Variants in ABCA8 observed in about 807,000 individuals in gnomAD.
ABCA8 encodes the protein ATP binding cassette subfamily A member 8.
In ABCA8, 177 loss-of-function variants were observed where a neutral mutation model predicts 192.3. The ratio of observed to expected loss-of-function variants is 0.92; its 90% CI spans 0.81 to 1.04. The LOEUF is 1.04. ABCA8 is among the 50% of genes least tolerant of loss of function. The pLI is 0.00. For synonymous variants in ABCA8, 642 were observed against 690.2 expected (o/e 0.93, Z 1.09); for missense variants, 1,915 against 1,904.8 (o/e 1.01, Z -0.10).
intron 4 of ABCA8, among the ~76,000 whole-genome samples, chr17:68,940,406 A>T (rs2068191317): frequency 6.6e-6 from 1 of 152,150 alleles, no homozygotes; most frequent in Non-Finnish European, 1.5e-5. Context: ...CATTTTGGTG[A>T]CAATGCTTTC....
chr17:68,868,397 T>G (rs1335138849), intron 38 of ABCA8, 41 bp from the exon 39 acceptor site: 1 of 1,528,972 alleles, frequency 6.5e-7, no homozygotes, highest in South Asian at 1.1e-5. Flanking sequence ...ATATTTCATA[T>G]CTAGAGGTCT....
At chr17:68,918,791 G>C (rs1024779119) in intron 14 of ABCA8, among the ~76,000 whole-genome samples, 5 of 151,950 alleles carry the variant, frequency 3.3e-5, no homozygotes, top group African/African-American at 9.7e-5. Flanking sequence ...AATTAGCCAA[G>C]CCTGGCGGCG....
intron 8 of ABCA8, 131 bp downstream of exon 8, chr17:68,929,430 T>C: frequency 8.4e-7 from 1 of 1,197,422 alleles, no homozygotes; most frequent in Non-Finnish European, 1.2e-6. Flanking sequence ...AATCAAATTG[T>C]ACCTGTTTAT....
At chr17:68,898,730 G>C (rs1038210517) in intron 21 of ABCA8, among the ~76,000 whole-genome samples, 2 of 152,028 alleles carry the variant, frequency 1.3e-5, no homozygotes, top group African/African-American at 4.8e-5. Flanking sequence ...TTGGAGTAAG[G>C]ACATCACATA....
rs1388666691 is a variant in ABCA8 at position 68,911,607 on chromosome 17, A to G, written c.2139-3728T>C. Among the ~76,000 whole-genome samples, 3 of 152,292 alleles carry G rather than the reference A, an allele frequency of 2.0e-5. No individual in the cohort carries two copies. The East Asian group carries it at 5.8e-4, about 30-fold the overall frequency. Reference sequence around the variant, plus strand: ...GAGTGAACATTGGCGGTAGCCAGGCAGTGGTCGCTGCGGGTCTTGGGAAAG... The same window carrying G: ...GAGTGAACATTGGCGGTAGCCAGGCGGTGGTCGCTGCGGGTCTTGGGAAAG... On this transcript the variant is annotated intron_variant, in intron 17 of 39. Coordinates refer to ENST00000586539, the MANE Select transcript of ABCA8 (RefSeq NM_001288985.2). This position sits in a 1 kb window ranked among gnomAD's most constrained non-coding sequence, Gnocchi z 5.7.
At chr17:68,884,566 T>G in intron 27 of ABCA8, 170 bp from the exon 28 acceptor site, 1 of 1,315,668 alleles carries the variant, frequency 7.6e-7, no homozygotes, top group South Asian at 2.6e-5. Flanking sequence ...TCCCAAGGTC[T>G]ATGAGCTTTT....
rs1402016585 is a variant in ABCA8, at chr17:68,887,342, A to C, written c.3309T>G (p.Ile1103Met). The C allele has an allele frequency of 6.3e-7, 1 of 1,598,416 alleles. No individual in the cohort carries two copies. Among genetic ancestry groups the C allele is most frequent in the Non-Finnish European group, 8.5e-7 (1 of 1,170,838 alleles). ...CTTGGATATTGTCACTTACTTGAATAATATGAATTATTGTAAGTAGCATGT... is the reference window on the plus strand; with the variant it reads ...CTTGGATATTGTCACTTACTTGAATCATATGAATTATTGTAAGTAGCATGT... ...FEDMLLTIIH[I>M]IQIPCAVGYS... is the part of the protein sequence containing the mutation. The change falls in exon 25 of 40, where the codon ATT (isoleucine) becomes ATG (methionine). Residue 1103 changes from isoleucine (I) to methionine (M), a missense_variant. Physicochemically the swap from Ile to Met is conservative, Grantham distance 10 (BLOSUM62 1). Coordinates refer to ENST00000586539, the MANE Select transcript of ABCA8 (RefSeq NM_001288985.2).
At chr17:68,948,430 T>A (rs916236703) in intron 2 of ABCA8, among the ~76,000 whole-genome samples, 8 of 152,224 alleles carry the variant, frequency 5.3e-5, no homozygotes, top group Non-Finnish European at 1.2e-4. Context: ...TTTTTAATAA[T>A]CGCCATTCTG....
At chr17:68,941,799 C>T in intron 3 of ABCA8, 140 bp downstream of exon 3, 1 of 547,546 alleles carries the variant, frequency 1.8e-6, no homozygotes, top group South Asian at 2.9e-5. Flanking sequence ...TGAAGAATAG[C>T]GTTTTCTGTT....
intron 11 of ABCA8, among the ~76,000 whole-genome samples, chr17:68,923,993 C>T (rs2067618709): frequency 6.6e-6 from 1 of 152,150 alleles, no homozygotes; most frequent in Non-Finnish European, 1.5e-5. Context: ...TAGGCCTTTT[C>T]TTTGTCCTTC....
chr17:68,875,771 C>A (rs760643402), intron 35 of ABCA8, 38 bp from the exon 36 acceptor site: 1 of 1,590,056 alleles, frequency 6.3e-7, no homozygotes, highest in East Asian at 2.2e-5. Context: ...TTAGGAAATC[C>A]TCTAATTAAT....
intron 23 of ABCA8, among the ~76,000 whole-genome samples, chr17:68,892,488 G>A (rs894871239): frequency 1.3e-5 from 2 of 152,090 alleles, no homozygotes; most frequent in African/African-American, 4.8e-5. Context: ...ATGAGTTGCT[G>A]GGGATATTGG....
chr17:68,914,420 T>C (rs190858427), intron 17 of ABCA8, among the ~76,000 whole-genome samples: 1 of 152,214 alleles, frequency 6.6e-6, no homozygotes, highest in Admixed American at 6.5e-5. Flanking sequence ...AAAATGCTAT[T>C]AGAACTGATA....
chr17:68,869,626 G>A, intron 38 of ABCA8, 74 bp downstream of exon 38: 1 of 1,065,872 alleles, frequency 9.4e-7, no homozygotes, highest in Non-Finnish European at 1.4e-6. Flanking sequence ...TTTCATTTTT[G>A]TCATAAAGGT....
rs373632504 is a variant in ABCA8, at chr17:68,896,466, C to A, written c.2765-1453G>T. The stretch of plus-strand genomic sequence containing the variant: ...CAAAATGAAAAATTCCAGAAATAAA[C>A]ATTGTATAAGTTTTAAATCGCATGG... On this transcript the variant is annotated intron_variant, in intron 21 of 39. Coordinates refer to ENST00000586539, the MANE Select transcript of ABCA8 (RefSeq NM_001288985.2). Among the ~76,000 whole-genome samples, 433 of 152,222 alleles carry A rather than the reference C, an allele frequency of 2.8e-3. 2 individuals carry two copies. Among genetic ancestry groups the A allele is most frequent in the African/African-American group, 0.01 (419 of 41,526 alleles).
chr17:68,881,294 C>A, intron 31 of ABCA8, 83 bp from the exon 32 acceptor site: 6 of 967,740 alleles, frequency 6.2e-6, no homozygotes, highest in Non-Finnish European at 9.6e-6. Flanking sequence ...CACTATGTGA[C>A]AAGCATTTGC....
At chr17:68,943,389 C>G (rs1598293936) in intron 2 of ABCA8, among the ~76,000 whole-genome samples, 1 of 152,134 alleles carries the variant, frequency 6.6e-6, no homozygotes, top group East Asian at 1.9e-4. Context: ...TTTCTAAAAT[C>G]ATTGTAGCAA....
chr17:68,918,954 A>AG (rs2067462235), intron 14 of ABCA8, among the ~76,000 whole-genome samples: 2 of 151,124 alleles, frequency 1.3e-5, no homozygotes, highest in African/African-American at 4.9e-5. Context: ...AAAAAAAAAA[A>AG]AGAACAAACA....
chr17:68,929,037 A>T lies in ABCA8; in HGVS notation c.1125+12T>A, dbSNP rs1480665022. 1.4e-6 allele frequency: 2 copies of T among 1,468,128 alleles called. No homozygotes were observed. The highest frequency in any genetic ancestry group is 2.8e-5 in the African/African-American group (2 of 70,746). 90.9% of individuals were successfully genotyped at this position (1,468,128 alleles called of 1,614,324 possible). A position where few individuals can be genotyped will look rare whatever the true frequency, so the allele number is the denominator to read the frequency against. On this transcript the variant is annotated intron_variant, in intron 9 of 39. Transcript: ENST00000586539. The stretch of plus-strand genomic sequence containing the variant: ...AGAAATGCCATTAATAGACATTCAG[A>T]TGGCATCTCACCTGGGCCATTCCAA...
Sources: allele counts gnomAD v4.1 joint callset (sites outside exome capture counted in the v4.1 genomes callset), GRCh38; gene constraint gnomAD v4.1.1; non-coding constraint Gnocchi (gnomAD v3.1); transcripts MANE v1.5; gene names NCBI Gene and HGNC (gene_info 2026-07-23, HGNC 2026-07-21).